Variants in MYT1 observed in about 807,000 individuals in gnomAD.
MYT1 encodes myelin transcription factor I.
MYT1 carries 23 observed loss-of-function variants against 123.0 expected under a neutral mutation model. The observed-to-expected ratio is 0.19, with a 90% CI of 0.13 to 0.26. MYT1 has a LOEUF of 0.26. MYT1 is among the 10% of genes least tolerant of loss of function. The pLI, the probability that MYT1 is intolerant of heterozygous loss-of-function variation, is 1.00. For synonymous variants in MYT1, 518 were observed against 575.3 expected (o/e 0.90, Z 1.43); for missense variants, 1,125 against 1,472.5 (o/e 0.76, Z 3.86).
In MYT1 at chr20:64,196,489, G is replaced by C. The variant is rs951292132; in HGVS notation, c.1-2373G>C. 3.9e-5 allele frequency among the ~76,000 whole-genome samples: 6 copies of C among 152,356 alleles called. No homozygotes were observed. Among genetic ancestry groups the C allele is most frequent in the Admixed American group, 3.9e-4 (6 of 15,306 alleles). ...TGTCCAGATGCTTTCGCGTCAGCCG[G>C]CACTGCTGATTTCAAATAGCTCAGA... is the stretch of plus-strand genomic sequence containing the variant. On this transcript the variant is annotated intron_variant, in intron 2 of 22. Transcript: ENST00000328439. The surrounding 1 kb of genome is among the most constrained non-coding windows in gnomAD (Gnocchi z 4.3).
intron 16 of MYT1, among the ~76,000 whole-genome samples, chr20:64,225,920 A>C (rs1003735694): frequency 6.6e-6 from 1 of 152,138 alleles, no homozygotes; most frequent in African/African-American, 2.4e-5. Context: ...ACTCACTCAC[A>C]GATGCCATCG....
At chr20:64,226,025 C>T (rs1473703002) in intron 16 of MYT1, among the ~76,000 whole-genome samples, 1 of 152,182 alleles carries the variant, frequency 6.6e-6, no homozygotes, top group Non-Finnish European at 1.5e-5. Flanking sequence ...TCACTCTGGC[C>T]ACCTGAGTGG....
chr20:64,177,252 C>G (rs973489000), intron 1 of MYT1, among the ~76,000 whole-genome samples: 4 of 152,090 alleles, frequency 2.6e-5, no homozygotes, highest in African/African-American at 9.7e-5. Context: ...ATGTGCAAAG[C>G]TATAGAATTG....
intron 1 of MYT1, among the ~76,000 whole-genome samples, chr20:64,170,912 G>GAGAGAGAGAGAA (rs1982253442): frequency 1.5e-5 from 2 of 131,590 alleles, no homozygotes; most frequent in Non-Finnish European, 3.2e-5. Flanking sequence ...GAGAGAGAGA[G>GAGAGAGAGAGAA]AGAGAGAGAG....
intron 4 of MYT1, 45 bp downstream of exon 4, chr20:64,199,967 G>A (rs1983244877): frequency 6.2e-7 from 1 of 1,606,150 alleles, no homozygotes. Context: ...CTATGTGCCT[G>A]TGACCCTGGA....
chr20:64,223,250 C>T (rs762693873), intron 15 of MYT1, 41 bp from the exon 16 acceptor site: 5 of 1,613,700 alleles, frequency 3.1e-6, no homozygotes, highest in Non-Finnish European at 4.2e-6. Flanking sequence ...CTCTGCTCTC[C>T]CTCTTTGGCT....
intron 3 of MYT1, 117 bp downstream of exon 3, chr20:64,199,033 T>C: frequency 9.6e-7 from 1 of 1,039,744 alleles, no homozygotes; most frequent in Non-Finnish European, 1.4e-6. Context: ...ACCTCAGGCC[T>C]CTTCAGCCTC....
Position 64,205,290 on chromosome 20 carries a change from C to T in MYT1, c.149+193C>T, listed in dbSNP as rs113352483. ...CATGGGCGTGCCATGTGGGGGAAGA[C>T]AGACCATCTGACCTCCCGCGAGGCA... On this transcript the variant is annotated intron_variant, in intron 5 of 22. Coordinates refer to ENST00000328439, the MANE Select transcript of MYT1 (RefSeq NM_004535.3). 4.3e-5 allele frequency among the ~76,000 whole-genome samples: 6 copies of T among 141,048 alleles called. 2 individuals are homozygous for T. The highest frequency in any genetic ancestry group is 1.5e-4 in the African/African-American group (6 of 40,918). The allele number at this position is 141,048 out of a possible 152,430, so 92.5% of individuals were successfully genotyped here.
Position 64,196,142 on chromosome 20 carries a change from G to A in MYT1, c.1-2720G>A, listed in dbSNP as rs929277201. 6.6e-6 allele frequency among the ~76,000 whole-genome samples: 1 copy of A among 152,198 alleles called. No individual in the cohort carries two copies. Among genetic ancestry groups the A allele is most frequent in the Admixed American group, 6.5e-5 (1 of 15,278 alleles). ...GGTTGCGCAAAAAAGGGACCTGGTT[G>A]GCTTGTGTTTGGAACAAGTAAAGTG... On this transcript the variant is annotated intron_variant, in intron 2 of 22. Coordinates refer to ENST00000328439, the MANE Select transcript of MYT1 (RefSeq NM_004535.3). The surrounding 1 kb of genome is among the most constrained non-coding windows in gnomAD (Gnocchi z 4.3).
intron 1 of MYT1, among the ~76,000 whole-genome samples, chr20:64,182,332 G>A (rs1249304493): frequency 6.6e-6 from 1 of 152,248 alleles, no homozygotes; most frequent in East Asian, 1.9e-4. Context: ...GGCAGGCCCA[G>A]CCAATACGCA....
At chr20:64,165,820 G>C (rs1238083786) in intron 1 of MYT1, among the ~76,000 whole-genome samples, 1 of 152,032 alleles carries the variant, frequency 6.6e-6, no homozygotes, top group East Asian at 1.9e-4. Context: ...GGAGAATTTT[G>C]CCCTTGCAGT....
intron 8 of MYT1, 104 bp downstream of exon 8, chr20:64,211,444 C>G (rs1983662053): frequency 8.1e-7 from 1 of 1,238,764 alleles, no homozygotes; most frequent in Admixed American, 2.3e-5. Context: ...AGGGCCATAA[C>G]CTTCCCCTTT....
chr20:64,207,956 A>G lies in MYT1; in HGVS notation c.760A>G (p.Ile254Val), dbSNP rs1350826830. The G allele has an allele frequency of 6.2e-7, 1 of 1,609,346 alleles. No homozygotes were observed. The highest frequency in any genetic ancestry group is 8.5e-7 in the Non-Finnish European group (1 of 1,178,214). The change falls in exon 7 of 23, where the codon ATC (isoleucine) becomes GTC (valine). Residue 254 changes from isoleucine (I) to valine (V), a missense_variant. By Grantham distance (29) the Ile-to-Val change is conservative. Transcript: ENST00000328439. ...ASEESSKQKG[I>V]LSHEEEDEEE... ...TGAGGAGTCCAGCAAGCAGAAAGGC[A>G]TCCTGAGTCACGAAGAGGAGGACGA...
chr20:64,235,797 CACTGGGCTGGCT>C (rs1568722748), intron 19 of MYT1, among the ~76,000 whole-genome samples: 1,597 of 70,584 alleles, frequency 0.023, 190 homozygotes, highest in Middle Eastern at 0.048. Context: ...TGGTGGGTGA[CACTGGGCTGGCT>C]GTGGTGGGTG....
At position 64,203,074 on chromosome 20, in the gene MYT1, G is replaced by T. The variant is rs578244803; in HGVS notation, c.87-1961G>T. ...GGGGTGGGGAGCAGGCATCTAAGGGGTTTCCAGCTTCCTGTCCCCGAGCGG... is the reference window on the plus strand; with the variant it reads ...GGGGTGGGGAGCAGGCATCTAAGGGTTTTCCAGCTTCCTGTCCCCGAGCGG... On this transcript the variant is annotated intron_variant, in intron 4 of 22. Coordinates refer to ENST00000328439, the MANE Select transcript of MYT1 (RefSeq NM_004535.3). The surrounding 1 kb of genome is among the most constrained non-coding windows in gnomAD (Gnocchi z 5.1). Among the ~76,000 whole-genome samples the T allele has an allele frequency of 1.1e-4, 16 of 152,334 alleles. No individual in the cohort carries two copies. The highest frequency in any genetic ancestry group is 2.2e-4 in the Non-Finnish European group (15 of 68,036).
chr20:64,183,331 A>G (rs3003132), intron 1 of MYT1, among the ~76,000 whole-genome samples: 2,017 of 152,328 alleles, frequency 0.013, 33 homozygotes, highest in African/African-American at 0.047. Context: ...TAAAGCTGCT[A>G]TGAATAGTTG....
chr20:64,232,323 C>T lies in MYT1; in HGVS notation c.2835C>T (p.Thr945=), dbSNP rs375707234. The change falls in exon 19 of 23, where the codon ACC becomes ACT. Residue 945 remains threonine (T), a synonymous_variant. Transcript: ENST00000328439. This position sits in a 1 kb window ranked among gnomAD's most constrained non-coding sequence, Gnocchi z 6.9. ...AGTCCCTGAAGAATGAAGGACCGAC[C>T]TGCCCCACCCCGGGCTGTGACGGCT... The part of the protein sequence containing the change: ...SWKSLKNEGP[T]CPTPGCDGSG... The T allele has an allele frequency of 1.9e-4, 302 of 1,612,940 alleles. No homozygotes were observed. The highest frequency in any genetic ancestry group is 2.4e-4 in the Non-Finnish European group (289 of 1,180,006).
chr20:64,228,360 G>C (rs764837212), intron 18 of MYT1, among the ~76,000 whole-genome samples: 9 of 152,236 alleles, frequency 5.9e-5, no homozygotes, highest in African/African-American at 2.2e-4. Context: ...TCAAGGAGGA[G>C]AAGGTGGTTA....
chr20:64,221,993 T>C lies in MYT1; in HGVS notation c.2342T>C (p.Leu781Pro), dbSNP rs1168016560. The C allele has an allele frequency of 6.2e-7, 1 of 1,613,490 alleles. No individual in the cohort carries two copies. Among genetic ancestry groups the C allele is most frequent in the Non-Finnish European group, 8.5e-7 (1 of 1,180,014 alleles). Residue 781 changes from leucine (L) to proline (P), a missense_variant, in exon 14 of 23, where the codon CTG becomes CCG. Coordinates refer to ENST00000328439, the MANE Select transcript of MYT1 (RefSeq NM_004535.3). The part of the protein sequence containing the change: ...EERKYPGEVT[L>P]TNFKLKFLSK... ...CGGAAGTATCCGGGGGAAGTCACCC[T>C]GACCAACTTTAAGCTGAAGTTTCTC...
Sources: allele counts gnomAD v4.1 joint callset (sites outside exome capture counted in the v4.1 genomes callset), GRCh38; gene constraint gnomAD v4.1.1; non-coding constraint Gnocchi (gnomAD v3.1); transcripts MANE v1.5; gene names NCBI Gene and HGNC (gene_info 2026-07-23, HGNC 2026-07-21).